The following AMBP variants were observed in gnomAD, a reference collection of about 807,000 sequenced individuals.
AMBP encodes alpha-1-microglobulin/bikunin precursor, also known as protein AMBP.
A neutral mutation model predicts 46.3 loss-of-function variants in AMBP; 37 were observed. The observed-to-expected ratio is 0.80, with a 90% CI of 0.61 to 1.05. The LOEUF (loss-of-function observed/expected upper bound fraction) is 1.05. AMBP is among the 50% of genes least tolerant of loss of function. AMBP has a pLI of 0.00. For synonymous variants in AMBP, 174 were observed against 175.9 expected (o/e 0.99, Z 0.09); for missense variants, 475 against 461.2 (o/e 1.03, Z -0.27).
chr9:114,062,071 C>G (rs1308900918), intron 7 of AMBP, among the ~76,000 whole-genome samples: 1 of 152,170 alleles, frequency 6.6e-6, no homozygotes, highest in African/African-American at 2.4e-5. Flanking sequence ...TCCTCCTGAT[C>G]CCCTCACCCC....
intron 6 of AMBP, among the ~76,000 whole-genome samples, chr9:114,065,326 A>G (rs1221399485): frequency 1.3e-5 from 2 of 152,208 alleles, no homozygotes; most frequent in African/African-American, 4.8e-5. Context: ...ATTCGCACAC[A>G]TAGAGAACTC....
chr9:114,060,504 TTA>T (rs1208870912), intron 9 of AMBP, among the ~76,000 whole-genome samples: 1 of 152,204 alleles, frequency 6.6e-6, no homozygotes, highest in African/African-American at 2.4e-5. Context: ...TGGAATGCTA[TTA>T]CTGTTACCAT....
intron 5 of AMBP, among the ~76,000 whole-genome samples, chr9:114,071,409 T>C (rs1373501821): frequency 6.6e-6 from 1 of 152,216 alleles, no homozygotes; most frequent in Admixed American, 6.5e-5. Flanking sequence ...CCTCCAGACT[T>C]TGGGTGCCAA....
chr9:114,072,832 G>A (rs1846759531), intron 5 of AMBP, 93 bp downstream of exon 5: 1 of 1,120,740 alleles, frequency 8.9e-7, no homozygotes, highest in South Asian at 1.4e-5. Context: ...TATCTCAGAG[G>A]GTTATAGTAA....
chr9:114,063,776 G>T (rs1478021434), intron 6 of AMBP, among the ~76,000 whole-genome samples: 2 of 152,298 alleles, frequency 1.3e-5, no homozygotes, highest in East Asian at 3.9e-4. Flanking sequence ...TGTGAAAGTA[G>T]AAAATTGTTG....
At chr9:114,073,973 G>T in intron 4 of AMBP, 63 bp downstream of exon 4, 1 of 1,492,428 alleles carries the variant, frequency 6.7e-7, no homozygotes, top group Non-Finnish European at 9.4e-7. Context: ...CCACTCCACT[G>T]TCCATAAATC....
chr9:114,066,051 G>C (rs1243613614), intron 6 of AMBP, among the ~76,000 whole-genome samples: 1 of 152,168 alleles, frequency 6.6e-6, no homozygotes, highest in Non-Finnish European at 1.5e-5. Context: ...GACTGTGGCA[G>C]CTAAAGGAGC....
chr9:114,073,958 C>T, intron 4 of AMBP, 78 bp downstream of exon 4: 1 of 1,384,456 alleles, frequency 7.2e-7, no homozygotes, highest in African/African-American at 1.4e-5. Context: ...ACTCCCTGTG[C>T]TTACCCACTC....
At chr9:114,072,309 A>G (rs1170671539) in intron 5 of AMBP, among the ~76,000 whole-genome samples, 1 of 151,896 alleles carries the variant, frequency 6.6e-6, no homozygotes, top group Non-Finnish European at 1.5e-5. Context: ...GTCCAGCCAT[A>G]CCCTTACAGA....
chr9:114,077,003 A>G (rs1038075260), intron 1 of AMBP, among the ~76,000 whole-genome samples: 5 of 152,174 alleles, frequency 3.3e-5, no homozygotes, highest in African/African-American at 1.2e-4. Context: ...TGCCCTGCAG[A>G]AGGGCTAACT....
Position 114,062,691 on chromosome 9 carries a change from A to C in AMBP, c.671T>G (p.Val224Gly), listed in dbSNP as rs778518763. The change falls in exon 7 of 10, where the codon GTC becomes GGC. Residue 224 changes from valine to glycine, a missense_variant. Val to Gly is a moderately radical substitution (Grantham distance 109, BLOSUM62 -3). Around this residue, in one of 3 missense-constraint regions of AMBP, gnomAD observed 293 missense variants for 276.9 expected, o/e 1.06. Coordinates refer to ENST00000265132, the MANE Select transcript of AMBP (RefSeq NM_001633.4). ...GTGTTCATTACCTTCTTTCTTGGTG[A>C]CTTCAGTTACCAGTTGCCCACCCCC... The part of the protein sequence containing the change: ...GSGGGQLVTE[V>G]TKKEDSCQLG... The C allele has an allele frequency of 6.2e-7, 1 of 1,613,760 alleles. No individual in the cohort carries two copies. The highest frequency in any genetic ancestry group is 8.5e-7 in the Non-Finnish European group (1 of 1,179,948).
intron 3 of AMBP, among the ~76,000 whole-genome samples, chr9:114,074,546 C>T (rs906032245): frequency 2.0e-5 from 3 of 152,134 alleles, no homozygotes; most frequent in Admixed American, 6.6e-5. Context: ...TATATTCAGC[C>T]GTAACACAAT....
intron 6 of AMBP, among the ~76,000 whole-genome samples, chr9:114,068,797 GGT>G (rs1846716480): frequency 7.2e-6 from 1 of 138,210 alleles, no homozygotes; most frequent in Non-Finnish European, 1.5e-5. Flanking sequence ...ATAGTTTTGA[GGT>G]GGTGAGATTA....
intron 2 of AMBP, among the ~76,000 whole-genome samples, chr9:114,076,309 A>C (rs1236839516): frequency 6.6e-6 from 1 of 151,944 alleles, no homozygotes; most frequent in Non-Finnish European, 1.5e-5. Flanking sequence ...AGAGGAGCCC[A>C]GTTCCCAGGT....
At chr9:114,063,562 C>G (rs1846663412) in intron 6 of AMBP, among the ~76,000 whole-genome samples, 1 of 152,140 alleles carries the variant, frequency 6.6e-6, no homozygotes, top group African/African-American at 2.4e-5. Context: ...AATACTGCAG[C>G]TGCCAGAATT....
chr9:114,070,478 G>A (rs553792474), intron 5 of AMBP, among the ~76,000 whole-genome samples: 31 of 152,274 alleles, frequency 2.0e-4, no homozygotes, highest in South Asian at 1.7e-3. Flanking sequence ...GACAGCCCCC[G>A]GAGCCCACCT....
intron 2 of AMBP, 73 bp from the exon 3 acceptor site, chr9:114,075,109 G>A (rs1846791966): frequency 7.9e-7 from 1 of 1,259,986 alleles, no homozygotes; most frequent in African/African-American, 1.5e-5. Context: ...CCCTCCTGCA[G>A]GGCTCTTTCC....
chr9:114,078,197 C>A lies in AMBP; in HGVS notation c.13G>T (p.Gly5Trp), dbSNP rs113268476. 6.2e-6 allele frequency: 10 copies of A among 1,612,546 alleles called. No individual in the cohort carries two copies. The highest frequency in any genetic ancestry group is 1.7e-4 in the Middle Eastern group (1 of 6,060). The change falls in exon 1 of 10, where the codon GGG becomes TGG. Residue 5 changes from glycine (G) to tryptophan (W), a missense_variant. By Grantham distance (184) the Gly-to-Trp change is radical. Around this residue, in one of 3 missense-constraint regions of AMBP, gnomAD observed 179 missense variants for 167.4 expected, o/e 1.07. Coordinates refer to ENST00000265132, the MANE Select transcript of AMBP (RefSeq NM_001633.4). The part of the protein sequence containing the change: MRSL[G>W]ALLLLLSACL... ...GCGCTCAGCAGCAAGAGCAGGGCCC[C>A]GAGGCTCCTCATGGCTATGGGCTCC...
intron 4 of AMBP, among the ~76,000 whole-genome samples, chr9:114,073,493 G>GTT (rs59522385): frequency 0.021 from 2,245 of 107,132 alleles, 46 homozygotes; most frequent in East Asian, 0.062. Flanking sequence ...CTCAATCCCT[G>GTT]TTTTTTTTTT....
Sources: allele counts gnomAD v4.1 joint callset (sites outside exome capture counted in the v4.1 genomes callset), GRCh38; gene constraint gnomAD v4.1.1; regional missense constraint gnomAD v4.1.1; transcripts MANE v1.5; gene names NCBI Gene and HGNC (gene_info 2026-07-23, HGNC 2026-07-21).